DDX11: variants seen among roughly 807,000 people sequenced by gnomAD.
DDX11 encodes ATP-dependent DNA helicase DDX11.
Under a neutral mutation model 125.2 loss-of-function variants are expected in DDX11, and 72 were observed. The observed-to-expected ratio is 0.58, with a 90% CI of 0.48 to 0.70. The LOEUF (loss-of-function observed/expected upper bound fraction) is 0.70, where lower values mean the gene tolerates loss of function less well. Among genes scored for constraint, DDX11 ranks in the 30% least tolerant of loss-of-function variants. The pLI is 0.00. For synonymous variants in DDX11, 347 were observed against 452.6 expected (o/e 0.77, Z 2.96); for missense variants, 883 against 1,165.0 (o/e 0.76, Z 3.52).
chr12:31,092,453 G>A (rs560124636), intron 10 of DDX11, among the ~76,000 whole-genome samples: 4 of 152,284 alleles, frequency 2.6e-5, no homozygotes, highest in South Asian at 2.1e-4. Context: ...AAACCCCCAC[G>A]ACATCCCACC....
At position 31,084,064 on chromosome 12, in the gene DDX11, G is replaced by A. The variant is rs1163254153; in HGVS notation, c.393+3G>A. ...GGGACCTGGTGGACCGACTAAAGGT[G>A]AGACCTGGGGTATCCGGAAGTGGGA... On this transcript the variant is annotated splice_donor_region_variant and intron_variant, in intron 3 of 26. Transcript: ENST00000542838. The A allele has an allele frequency of 6.2e-7, 1 of 1,613,760 alleles. No homozygotes were observed. Among genetic ancestry groups the A allele is most frequent in the Non-Finnish European group, 8.5e-7 (1 of 1,179,866 alleles).
Position 31,089,474 on chromosome 12 carries a change from G to A in DDX11, c.864G>A (p.Met288Ile). ...TTATCAACGACCGCTGTGTGGACAT[G>A]CAGAGAAGCAGGCACGGTAGCCACT... ...VQLINDRCVD[M>I]QRSRHEKKKG... The change falls in exon 8 of 27, where the codon ATG becomes ATA. Residue 288 changes from methionine to isoleucine, a missense_variant. Around this residue, in one of 5 missense-constraint regions of DDX11, gnomAD observed 283 missense variants for 359.6 expected, o/e 0.79. Transcript: ENST00000542838. The A allele has an allele frequency of 6.2e-7, 1 of 1,613,818 alleles. No individual in the cohort carries two copies. The highest frequency in any genetic ancestry group is 8.5e-7 in the Non-Finnish European group (1 of 1,179,726).
chr12:31,102,200 C>G, intron 21 of DDX11, 43 bp from the exon 22 acceptor site: 1 of 1,599,328 alleles, frequency 6.3e-7, no homozygotes, highest in Non-Finnish European at 8.6e-7. Flanking sequence ...CGAGACCTGG[C>G]ACCCTGAACC....
At chr12:31,091,958 C>T (rs1422960788) in intron 10 of DDX11, 87 bp downstream of exon 10, 1 of 1,579,676 alleles carries the variant, frequency 6.3e-7, no homozygotes, top group Non-Finnish European at 8.7e-7. Flanking sequence ...GCCAAGAGTT[C>T]CTCCGGAGGT....
At chr12:31,076,439 TGTGAACCTCCCTTCA>T (rs1329041101) in intron 1 of DDX11, among the ~76,000 whole-genome samples, 9 of 150,310 alleles carry the variant, frequency 6.0e-5, no homozygotes, top group South Asian at 4.3e-4. Context: ...ACTCTCAGTT[TGTGAACCTCCCTTCA>T]GTGAACCTCC....
chr12:31,077,152 C>G (rs1592552836), intron 1 of DDX11: 1 of 144,654 alleles, frequency 6.9e-6, no homozygotes, highest in African/African-American at 2.4e-5. Flanking sequence ...TTAGAAGAGA[C>G]AGACCTGGCA....
intron 1 of DDX11, among the ~76,000 whole-genome samples, chr12:31,077,435 G>A (rs1281696669): frequency 6.6e-6 from 1 of 152,102 alleles, no homozygotes; most frequent in Non-Finnish European, 1.5e-5. Flanking sequence ...CTCCTGTCTG[G>A]AACCAAACAG....
At chr12:31,097,142 G>T (rs1285755086) in intron 17 of DDX11, 152 bp downstream of exon 17, 4 of 1,142,462 alleles carry the variant, frequency 3.5e-6, no homozygotes, top group Non-Finnish European at 5.0e-6. Flanking sequence ...CTGTGACCTG[G>T]GCAAGCAGTG....
At chr12:31,093,433 C>T (rs555248588) in intron 12 of DDX11, 109 bp downstream of exon 12, 192 of 1,466,916 alleles carry the variant, frequency 1.3e-4, no homozygotes, top group East Asian at 7.3e-5. Flanking sequence ...TAAGAAGGGT[C>T]GGCCGGGTGC....
chr12:31,097,743 A>G (rs1592769412), intron 17 of DDX11, 142 bp from the exon 18 acceptor site: 3 of 632,394 alleles, frequency 4.7e-6, no homozygotes, highest in East Asian at 7.0e-5. Context: ...TGGTTGTCCT[A>G]GAGATTAAAT....
intron 21 of DDX11, 93 bp downstream of exon 21, chr12:31,102,075 C>T (rs80091015): frequency 0.094 from 143,655 of 1,527,450 alleles, 7,308 homozygotes; most frequent in Non-Finnish European, 0.11. Flanking sequence ...GGACAGGCTT[C>T]TGGCTCCTCA....
chr12:31,097,746 G>A (rs975273799), intron 17 of DDX11, 139 bp from the exon 18 acceptor site: 5 of 652,662 alleles, frequency 7.7e-6, no homozygotes, highest in Non-Finnish European at 1.4e-5. Flanking sequence ...TTGTCCTAGA[G>A]ATTAAATGGT....
chr12:31,091,693 T>C, intron 9 of DDX11, 26 bp from the exon 10 acceptor site: 1 of 1,589,576 alleles, frequency 6.3e-7, no homozygotes, highest in Non-Finnish European at 8.6e-7. Context: ...CCCGCCCTGC[T>C]CAGGTGGCCT....
intron 7 of DDX11, 82 bp downstream of exon 7, chr12:31,089,233 G>GAC (rs761002357): frequency 7.0e-7 from 1 of 1,423,778 alleles, no homozygotes; most frequent in Non-Finnish European, 9.9e-7. Flanking sequence ...GGCCTTGGGA[G>GAC]ACGCTGGGTC....
At chr12:31,084,387 G>A (rs1030929320) in intron 3 of DDX11, among the ~76,000 whole-genome samples, 196 bp from the exon 4 acceptor site, 15 of 152,326 alleles carry the variant, frequency 9.8e-5, no homozygotes, top group African/African-American at 3.4e-4. Context: ...GGAGTGTGCC[G>A]CCTTCCGCAG....
rs372048457 is a variant in DDX11, at chr12:31,102,002, C to A, written c.2202+20C>A. On this transcript the variant is annotated intron_variant, in intron 21 of 26. Coordinates refer to ENST00000542838, the MANE Select transcript of DDX11 (RefSeq NM_030653.4). The stretch of plus-strand genomic sequence containing the variant: ...AAGAAGGTGAGTGGCCTGTCGGCAG[C>A]CTTCCCACTTGTGAGGACAGTGCCA... 26 of 1,607,596 alleles carry A rather than the reference C, an allele frequency of 1.6e-5. No individual in the cohort carries two copies. The African/African-American group carries it at 3.5e-4, about 22-fold the overall frequency.
At chr12:31,078,212 G>T in intron 1 of DDX11, 178 bp from the exon 2 acceptor site, 1 of 1,536,334 alleles carries the variant, frequency 6.5e-7, no homozygotes, top group Non-Finnish European at 8.8e-7. Context: ...GCGTGATTCT[G>T]GTATGGCCTC....
At chr12:31,074,817 A>G (rs921654122) in intron 1 of DDX11, among the ~76,000 whole-genome samples, 7 of 152,188 alleles carry the variant, frequency 4.6e-5, no homozygotes, top group African/African-American at 1.4e-4. Flanking sequence ...TACGGTAGAT[A>G]GTACCTGCCA....
intron 20 of DDX11, chr12:31,101,414 T>C: frequency 1.9e-6 from 1 of 537,852 alleles, no homozygotes; most frequent in Non-Finnish European, 3.4e-6. Flanking sequence ...TAGTTCCCTT[T>C]GGCTCTCTTG....
Sources: gnomAD v4.1 joint callset for allele counts (sites outside exome capture counted in the v4.1 genomes callset) on GRCh38, gnomAD v4.1.1 for gene constraint, gnomAD v4.1.1 regional missense constraint, MANE v1.5 for transcripts, NCBI Gene and HGNC (gene_info 2026-07-23, HGNC 2026-07-21) for gene names.